SFXN5: variants seen among roughly 807,000 people sequenced by gnomAD.
SFXN5 encodes the protein sideroflexin 5, also known as sideroflexin-5.
SFXN5 carries 43 observed loss-of-function variants against 50.2 expected under a neutral mutation model. The observed-to-expected ratio is 0.86, with a 90% CI of 0.67 to 1.11. The LOEUF (loss-of-function observed/expected upper bound fraction) is 1.11. Among genes scored for constraint, SFXN5 ranks in the 50% least tolerant of loss-of-function variants. SFXN5 has a pLI of 0.00. For synonymous variants in SFXN5, 203 were observed against 185.8 expected (o/e 1.09, Z -0.75); for missense variants, 463 against 454.1 (o/e 1.02, Z -0.18).
chr2:72,968,378 C>T (rs1674709796), intron 12 of SFXN5, 70 bp downstream of exon 12: 3 of 1,462,280 alleles, frequency 2.1e-6, no homozygotes, highest in Non-Finnish European at 2.8e-6. Flanking sequence ...TTGCCTGGGC[C>T]AGCCGGTTCC....
chr2:73,005,278 G>C (rs546170063), intron 6 of SFXN5, among the ~76,000 whole-genome samples: 3 of 152,276 alleles, frequency 2.0e-5, no homozygotes, highest in African/African-American at 4.8e-5. Context: ...CCCCTCTGCC[G>C]CTCCAGCCCC....
At chr2:73,035,792 G>A (rs764896549) in intron 3 of SFXN5, among the ~76,000 whole-genome samples, 1 of 152,076 alleles carries the variant, frequency 6.6e-6, no homozygotes, top group African/African-American at 2.4e-5. Flanking sequence ...GAGACACCAC[G>A]CTTGGCTGGT....
chr2:72,971,489 C>T, intron 11 of SFXN5, 81 bp downstream of exon 11: 1 of 946,894 alleles, frequency 1.1e-6, no homozygotes, highest in Non-Finnish European at 1.6e-6. Flanking sequence ...GGATAGAAGC[C>T]TGTGGAAGAC....
At chr2:72,955,298 C>T (rs1040806027) in intron 13 of SFXN5, among the ~76,000 whole-genome samples, 1 of 152,216 alleles carries the variant, frequency 6.6e-6, no homozygotes, top group African/African-American at 2.4e-5. Context: ...CCCGCCCGTT[C>T]ACGCAGTAAT....
intron 2 of SFXN5, among the ~76,000 whole-genome samples, chr2:73,048,003 A>C (rs1450915059): frequency 6.6e-6 from 1 of 152,236 alleles, no homozygotes; most frequent in Non-Finnish European, 1.5e-5. Flanking sequence ...TATGCAGTTA[A>C]ACACATTTTA....
intron 10 of SFXN5, among the ~76,000 whole-genome samples, chr2:72,974,093 G>A (rs1302144915): frequency 6.6e-6 from 1 of 152,218 alleles, no homozygotes; most frequent in Admixed American, 6.5e-5. Flanking sequence ...CATAAAAGGA[G>A]GGGCAGAATG....
In SFXN5 at chr2:72,961,476, T is replaced by C. The variant is rs369276951; in HGVS notation, c.828-228A>G. Among the ~76,000 whole-genome samples the C allele has an allele frequency of 4.6e-5, 7 of 152,340 alleles. No individual in the cohort carries two copies. In the East Asian group the frequency reaches 5.8e-4, roughly 13 times the overall value. On this transcript the variant is annotated intron_variant, in intron 12 of 13. Transcript: ENST00000272433. The surrounding 1 kb of genome is among the most constrained non-coding windows in gnomAD (Gnocchi z 4.4). The stretch of plus-strand genomic sequence containing the variant: ...CCCTATCCCAATGTCTTGAAGGACG[T>C]TGCTGGCTGAAACCTCAATTACTCA...
intron 3 of SFXN5, among the ~76,000 whole-genome samples, chr2:73,035,901 T>C (rs1678913259): frequency 6.6e-6 from 1 of 152,110 alleles, no homozygotes. Flanking sequence ...AAACAATCAA[T>C]ACATTTGCGC....
intron 10 of SFXN5, among the ~76,000 whole-genome samples, chr2:72,987,708 T>A (rs755769878): frequency 6.6e-6 from 1 of 152,022 alleles, no homozygotes; most frequent in Non-Finnish European, 1.5e-5. Context: ...TGAGCCGAGA[T>A]TGCACCACCA....
At chr2:72,978,962 A>G (rs1670972054) in intron 10 of SFXN5, among the ~76,000 whole-genome samples, 1 of 152,204 alleles carries the variant, frequency 6.6e-6, no homozygotes, top group African/African-American at 2.4e-5. Context: ...GAGACTGAAA[A>G]CAACCTAAAT....
chr2:73,044,990 G>T (rs1336484237), intron 2 of SFXN5, among the ~76,000 whole-genome samples: 2 of 152,188 alleles, frequency 1.3e-5, no homozygotes, highest in Non-Finnish European at 2.9e-5. Context: ...AGAGGGACAA[G>T]GAAGAAAAAG....
At chr2:72,988,106 T>C in intron 10 of SFXN5, 152 bp downstream of exon 10, 1 of 665,540 alleles carries the variant, frequency 1.5e-6, no homozygotes, top group East Asian at 2.8e-5. Flanking sequence ...CCCCATGGTC[T>C]TGTCTTTTAG....
intron 6 of SFXN5, among the ~76,000 whole-genome samples, chr2:73,016,347 T>C (rs977792251): frequency 3.3e-5 from 5 of 152,318 alleles, no homozygotes; most frequent in African/African-American, 4.8e-5. Context: ...GAATACTATA[T>C]AGCTGTAAAA....
intron 9 of SFXN5, among the ~76,000 whole-genome samples, chr2:72,994,236 C>A (rs1278556047): frequency 2.0e-5 from 3 of 152,174 alleles, no homozygotes; most frequent in East Asian, 3.9e-4. Flanking sequence ...CAATGCCTGG[C>A]GTGCTGTAGG....
At chr2:73,070,160 C>T (rs1040958384) in intron 1 of SFXN5, among the ~76,000 whole-genome samples, 3 of 152,092 alleles carry the variant, frequency 2.0e-5, no homozygotes, top group Non-Finnish European at 4.4e-5. Flanking sequence ...GGGGTGGGAG[C>T]GGGGACAGGC....
At chr2:72,947,316 G>A (rs981002465) in intron 13 of SFXN5, among the ~76,000 whole-genome samples, 1 of 152,218 alleles carries the variant, frequency 6.6e-6, no homozygotes, top group Admixed American at 6.5e-5. Context: ...GGAAGACGGG[G>A]TTCCCCTGGA....
intron 11 of SFXN5, among the ~76,000 whole-genome samples, chr2:72,969,746 CT>C (rs368677865): frequency 2.9e-3 from 434 of 148,264 alleles, no homozygotes; most frequent in African/African-American, 0.01. Flanking sequence ...TTTGCAAGAT[CT>C]TGTGTCTCTT....
rs1256839298 is a variant in SFXN5 at position 72,942,935 on chromosome 2, A to T, written c.*2087T>A. ...CCTTATGATAGGTAGGAGCAGGGTG[A>T]GCTTGAAGTGAGCTTTTCAAAAGAC... On this transcript the variant is annotated 3_prime_UTR_variant, in exon 14 of 14. Transcript: ENST00000272433. 2 of 152,320 alleles carry T rather than the reference A, an allele frequency of 1.3e-5. No homozygotes were observed. The highest frequency in any genetic ancestry group is 4.8e-5 in the African/African-American group (2 of 41,448). The allele number at this position is 152,320 out of a possible 1,614,324, so 9.4% of individuals were successfully genotyped here. A position where few individuals can be genotyped will look rare whatever the true frequency, so the allele number is the denominator to read the frequency against.
intron 1 of SFXN5, among the ~76,000 whole-genome samples, chr2:73,063,778 TC>T (rs1358484638): frequency 6.6e-6 from 1 of 152,210 alleles, no homozygotes; most frequent in Non-Finnish European, 1.5e-5. Context: ...CTGTGGGTCC[TC>T]GTGAGAAACA....
Sources: gnomAD v4.1 joint callset for allele counts (sites outside exome capture counted in the v4.1 genomes callset) on GRCh38, gnomAD v4.1.1 for gene constraint, Gnocchi (gnomAD v3.1) non-coding constraint, MANE v1.5 for transcripts, NCBI Gene and HGNC (gene_info 2026-07-23, HGNC 2026-07-21) for gene names.